TENM1: variants seen among roughly 807,000 people sequenced by gnomAD.
TENM1 encodes teneurin-1.
TENM1 carries 35 observed loss-of-function variants against 174.8 expected under a neutral mutation model. The ratio of observed to expected loss-of-function variants is 0.20; its 90% CI spans 0.15 to 0.27. TENM1 has a LOEUF of 0.27. TENM1 is among the 10% of genes least tolerant of loss of function. The probability of loss-of-function intolerance (pLI) is 1.00; values close to 1 mark genes in which losing one functional copy is unlikely to be tolerated. For missense variants in TENM1, 1,633 were observed against 2,130.1 expected (o/e 0.77, Z 4.59); for synonymous variants, 781 against 798.7 (o/e 0.98, Z 0.37).
chrX:124,417,323 C>G (rs945474162), intron 25 of TENM1, among the ~76,000 whole-genome samples: 1 of 111,027 alleles, frequency 9.0e-6, no homozygotes, highest in African/African-American at 3.3e-5. Flanking sequence ...GATTCTCCTG[C>G]CTCAGGCCTC....
At chrX:125,018,455 G>T in the TENM1 span, among the ~76,000 whole-genome samples, 2 of 111,159 alleles carry the variant, frequency 1.8e-5, no homozygotes, top group African/African-American at 6.5e-5. Context: ...CATTTTTGAG[G>T]TCCTACTTGG....
intron 5 of TENM1, among the ~76,000 whole-genome samples, chrX:124,700,367 C>T (rs1388635197): frequency 9.0e-6 from 1 of 111,484 alleles, no homozygotes; most frequent in East Asian, 2.8e-4. Flanking sequence ...ATCCTCATTA[C>T]CCTTACCCCA....
chrX:124,933,279 G>A (rs1366119470), intron 1 of TENM1, among the ~76,000 whole-genome samples: 2 of 112,055 alleles, frequency 1.8e-5, no homozygotes, highest in Non-Finnish European at 3.8e-5. Context: ...AAGGCCAAAA[G>A]GCCAGCAGCC....
At chrX:124,775,808 G>A (rs1303382356) in intron 3 of TENM1, among the ~76,000 whole-genome samples, 3 of 111,792 alleles carry the variant, frequency 2.7e-5, no homozygotes, top group East Asian at 2.8e-4. Context: ...TGAACAACAC[G>A]GGTTGGAACC....
intron 5 of TENM1, among the ~76,000 whole-genome samples, chrX:124,673,591 G>A (rs2148438877): frequency 8.9e-6 from 1 of 111,924 alleles, no homozygotes; most frequent in South Asian, 3.7e-4. Flanking sequence ...TAGGAAAGAA[G>A]TAATTAGTGC....
chrX:124,531,348 C>T (rs750985319), intron 15 of TENM1, among the ~76,000 whole-genome samples: 15 of 110,113 alleles, frequency 1.4e-4, no homozygotes, highest in African/African-American at 5.0e-4. Flanking sequence ...GAAAGTAAAA[C>T]ACCTTTGAAT....
chrX:124,494,649 C>T (rs1307705717), intron 20 of TENM1, among the ~76,000 whole-genome samples: 15 of 108,077 alleles, frequency 1.4e-4, no homozygotes, highest in African/African-American at 4.7e-4. Flanking sequence ...TCTCCCAATG[C>T]TATCCCTCCC....
chrX:124,833,892 C>A (rs759825531), intron 3 of TENM1, among the ~76,000 whole-genome samples: 5 of 110,870 alleles, frequency 4.5e-5, no homozygotes, highest in Non-Finnish European at 9.4e-5. Flanking sequence ...TGCCACATCA[C>A]TGTAGCCTCA....
chrX:124,603,642 C>T (rs2050082352), intron 11 of TENM1, among the ~76,000 whole-genome samples: 2 of 111,863 alleles, frequency 1.8e-5, no homozygotes, highest in East Asian at 5.6e-4. Flanking sequence ...TATTTGGATA[C>T]ACCACAGTAG....
chrX:125,174,292 G>T, the TENM1 span, among the ~76,000 whole-genome samples: 1 of 111,445 alleles, frequency 9.0e-6, no homozygotes, highest in African/African-American at 3.3e-5. Context: ...GAGTTATAAA[G>T]GTAGATGAAA....
intron 24 of TENM1, among the ~76,000 whole-genome samples, chrX:124,421,546 G>T (rs2060653588): frequency 9.1e-6 from 1 of 110,086 alleles, no homozygotes; most frequent in South Asian, 3.9e-4. Context: ...AGCAATAATT[G>T]TATCTGTTGA....
intron 15 of TENM1, among the ~76,000 whole-genome samples, chrX:124,544,807 A>G (rs1430982195): frequency 8.9e-6 from 1 of 111,865 alleles, no homozygotes; most frequent in Non-Finnish European, 1.9e-5. Context: ...TGCATGTGTG[A>G]TTTGGGGCAA....
the TENM1 span, among the ~76,000 whole-genome samples, chrX:125,067,848 T>C: frequency 8.9e-6 from 1 of 112,255 alleles, no homozygotes; most frequent in South Asian, 3.7e-4. Context: ...TTCCCTTCTT[T>C]TTTTGAGAGA....
At chrX:124,391,549 C>T (rs990261441) in intron 28 of TENM1, among the ~76,000 whole-genome samples, 6 of 111,382 alleles carry the variant, frequency 5.4e-5, no homozygotes, top group African/African-American at 2.0e-4. Flanking sequence ...AAGAGTATTA[C>T]CAATGAGGCC....
At chrX:124,965,815 T>C (rs1366056148), upstream of TENM1, among the ~76,000 whole-genome samples, 3 of 111,553 alleles carry the variant, frequency 2.7e-5, no homozygotes, top group Non-Finnish European at 5.6e-5. Context: ...AGCATGGGTC[T>C]TGACCCTGAG....
exon 9 of TENM1, chrX:124,646,762 A>G: frequency 1.7e-6 from 2 of 1,207,174 alleles, no homozygotes; most frequent in Non-Finnish European, 2.2e-6. Context: ...ATGGCCAGAG[A>G]TACACTCTCC....
In TENM1 at chrX:124,757,163, C is replaced by G. The variant is rs1301267506; in HGVS notation, c.536-19966G>C. Reference sequence around the variant, plus strand: ...GGCTCCACCCAGTTCGAGCTTCCGGCCTGCTTTGTTTACCTAAGCAAGCCT... The same window carrying G: ...GGCTCCACCCAGTTCGAGCTTCCGGGCTGCTTTGTTTACCTAAGCAAGCCT... On this transcript the variant is annotated intron_variant, in intron 3 of 31. Transcript: ENST00000422452. 4.4e-5 allele frequency among the ~76,000 whole-genome samples: 5 copies of G among 112,586 alleles called. No homozygotes were observed. In the South Asian group the frequency reaches 1.1e-3, roughly 25 times the overall value.
chrX:124,701,117 T>C (rs763841798), intron 5 of TENM1, among the ~76,000 whole-genome samples: 2 of 111,509 alleles, frequency 1.8e-5, no homozygotes, highest in South Asian at 7.6e-4. Flanking sequence ...CATGACAAGA[T>C]TTATGGACTG....
At chrX:124,768,300 G>C (rs1417205999) in intron 3 of TENM1, among the ~76,000 whole-genome samples, 3 of 111,856 alleles carry the variant, frequency 2.7e-5, no homozygotes, top group Admixed American at 9.5e-5. Context: ...ATTCACATGT[G>C]AGTTTGGGAG....
Sources: allele counts gnomAD v4.1 joint callset (sites outside exome capture counted in the v4.1 genomes callset), GRCh38; gene constraint gnomAD v4.1.1; transcripts MANE v1.5; gene names NCBI Gene and HGNC (gene_info 2026-07-23, HGNC 2026-07-21).